Variants in KAZN observed in about 807,000 individuals in gnomAD.
KAZN encodes the protein kazrin, periplakin interacting protein, also known as kazrin.
KAZN carries 40 observed loss-of-function variants against 87.4 expected under a neutral mutation model. The observed-to-expected ratio is 0.46, with a 90% CI of 0.36 to 0.60. The LOEUF (loss-of-function observed/expected upper bound fraction) is 0.60. KAZN is among the 20% of genes least tolerant of loss of function. The pLI is 0.00. For synonymous variants in KAZN, 466 were observed against 458.3 expected, an observed-to-expected ratio of 1.02 and a Z score of -0.22; for missense variants, 898 against 1,073.9, an observed-to-expected ratio of 0.84 and a Z score of 2.29.
chr1:15,063,648 G>A (rs1638983777), intron 7 of KAZN, 26 bp downstream of exon 7: 2 of 1,592,052 alleles, frequency 1.3e-6, no homozygotes, highest in Non-Finnish European at 1.7e-6. Context: ...CTGGCCACTT[G>A]AACCCTCCCT....
chr1:13,995,652 G>A (rs1169836866), intron 1 of KAZN, among the ~76,000 whole-genome samples: 2 of 152,130 alleles, frequency 1.3e-5, no homozygotes, highest in African/African-American at 4.8e-5. Context: ...TACCTTTTTA[G>A]GTGTAGAAAT....
intron 2 of KAZN, among the ~76,000 whole-genome samples, chr1:14,982,253 A>G (rs776951156): frequency 4.6e-5 from 7 of 152,160 alleles, no homozygotes; most frequent in South Asian, 2.1e-4. Context: ...TGACCACTGT[A>G]CCTTAAAGAC....
At chr1:14,592,464 T>A (rs940591893) in intron 2 of KAZN, among the ~76,000 whole-genome samples, 2 of 152,182 alleles carry the variant, frequency 1.3e-5, no homozygotes, top group Non-Finnish European at 2.9e-5. Context: ...TTGTTGTAAA[T>A]GCAGATATCG....
intron 1 of KAZN, among the ~76,000 whole-genome samples, chr1:14,758,862 T>C (rs1644652274): frequency 6.6e-6 from 1 of 151,818 alleles, no homozygotes; most frequent in African/African-American, 2.4e-5. Context: ...CATGGGTTAC[T>C]CTTCTGGGTC....
chr1:14,148,463 A>G (rs1050998244), intron 1 of KAZN, among the ~76,000 whole-genome samples: 2 of 152,106 alleles, frequency 1.3e-5, no homozygotes, highest in Non-Finnish European at 2.9e-5. Context: ...AGTAGATTCA[A>G]TTTCTAAGAG....
intron 1 of KAZN, among the ~76,000 whole-genome samples, chr1:14,874,013 G>C (rs1193016199): frequency 6.6e-6 from 1 of 152,158 alleles, no homozygotes; most frequent in African/African-American, 2.4e-5. Context: ...AGAGGGGGTG[G>C]GCCAGGAGGA....
At chr1:15,108,276 G>A (rs1352196425) in intron 13 of KAZN, among the ~76,000 whole-genome samples, 1 of 152,216 alleles carries the variant, frequency 6.6e-6, no homozygotes, top group African/African-American at 2.4e-5. Context: ...ATGAGATTCT[G>A]TCCCACCCCA....
At chr1:14,957,489 T>C (rs1390529600) in intron 1 of KAZN, among the ~76,000 whole-genome samples, 2 of 152,220 alleles carry the variant, frequency 1.3e-5, no homozygotes, top group Non-Finnish European at 2.9e-5. Flanking sequence ...GGATATGCGA[T>C]TGGGCCCCGC....
chr1:14,374,090 T>C (rs528856383), intron 2 of KAZN, among the ~76,000 whole-genome samples: 6 of 152,312 alleles, frequency 3.9e-5, no homozygotes, highest in South Asian at 2.1e-4. Context: ...TCCTGCAACT[T>C]TGCTACCAGG....
At chr1:15,025,400 A>G (rs1454305089) in intron 2 of KAZN, among the ~76,000 whole-genome samples, 1 of 152,158 alleles carries the variant, frequency 6.6e-6, no homozygotes, top group African/African-American at 2.4e-5. Flanking sequence ...TATGCTGGTA[A>G]TTGGCACAGC....
intron 2 of KAZN, among the ~76,000 whole-genome samples, chr1:14,476,476 T>C (rs1443461804): frequency 6.6e-6 from 1 of 152,176 alleles, no homozygotes; most frequent in African/African-American, 2.4e-5. Flanking sequence ...CCCCACCCAG[T>C]GCTCTGCAGA....
chr1:13,996,287 C>A (rs1639515831), intron 1 of KAZN, among the ~76,000 whole-genome samples: 1 of 152,200 alleles, frequency 6.6e-6, no homozygotes, highest in Admixed American at 6.5e-5. Context: ...TTCTCAACAG[C>A]CTCTCAGCTG....
intron 13 of KAZN, among the ~76,000 whole-genome samples, chr1:15,110,319 TTGTG>T (rs1270207145): frequency 2.0e-5 from 3 of 151,412 alleles, no homozygotes; most frequent in Non-Finnish European, 4.4e-5. Flanking sequence ...ATTTGTGTAT[TTGTG>T]TGTGGGCATA....
At chr1:14,998,409 G>C (rs368204800) in intron 2 of KAZN, among the ~76,000 whole-genome samples, 1 of 115,738 alleles carries the variant, frequency 8.6e-6, no homozygotes, top group Non-Finnish European at 1.7e-5. Flanking sequence ...GTATGTGGCG[G>C]GGGGACTTTG....
At chr1:13,918,340 A>G (rs1639936805) in intron 1 of KAZN, among the ~76,000 whole-genome samples, 1 of 152,218 alleles carries the variant, frequency 6.6e-6, no homozygotes, top group African/African-American at 2.4e-5. Flanking sequence ...TTAAGGGGAG[A>G]AAGTAACTGC....
intron 1 of KAZN, among the ~76,000 whole-genome samples, chr1:14,833,576 C>G (rs75204462): frequency 6.6e-6 from 1 of 152,202 alleles, no homozygotes; most frequent in Admixed American, 6.5e-5. Context: ...CCTCTACCCC[C>G]CCCAGGCCCT....
At chr1:14,929,690 C>T in intron 1 of KAZN, 1 of 850,342 alleles carries the variant, frequency 1.2e-6, no homozygotes, top group South Asian at 5.4e-5. Context: ...TGTAAACACT[C>T]CAGAGAGACA....
intron 1 of KAZN, among the ~76,000 whole-genome samples, chr1:14,714,507 C>T (rs909805212): frequency 3.3e-5 from 5 of 152,168 alleles, no homozygotes; most frequent in Non-Finnish European, 7.4e-5. Flanking sequence ...CGGAAGTCCA[C>T]GTGGGGGCCC....
chr1:14,504,266 G>A (rs1001366876), intron 2 of KAZN, among the ~76,000 whole-genome samples: 1 of 152,206 alleles, frequency 6.6e-6, no homozygotes, highest in Non-Finnish European at 1.5e-5. Flanking sequence ...TAATTTGGAG[G>A]CTGGCACTGG....
Sources: gnomAD v4.1 joint callset for allele counts (sites outside exome capture counted in the v4.1 genomes callset) on GRCh38, gnomAD v4.1.1 for gene constraint, MANE v1.5 for transcripts, NCBI Gene and HGNC (gene_info 2026-07-23, HGNC 2026-07-21) for gene names.